The following KIFAP3 variants were observed in gnomAD, a reference collection of about 807,000 sequenced individuals.
KIFAP3 encodes the protein kinesin-associated protein 3.
KIFAP3 carries 68 observed loss-of-function variants against 106.5 expected under a neutral mutation model. That is an observed-to-expected ratio of 0.64 (90% CI 0.53 to 0.78). KIFAP3 has a LOEUF of 0.78. Among genes scored for constraint, KIFAP3 ranks in the 30% least tolerant of loss-of-function variants. The pLI, the probability that KIFAP3 is intolerant of heterozygous loss-of-function variation, is 0.00. For synonymous variants in KIFAP3, 320 were observed against 311.5 expected, an observed-to-expected ratio of 1.03 and a Z score of -0.29; for missense variants, 780 against 941.8, an observed-to-expected ratio of 0.83 and a Z score of 2.25.
intron 18 of KIFAP3, among the ~76,000 whole-genome samples, chr1:169,956,095 AC>A (rs1294664010): frequency 6.6e-6 from 1 of 152,180 alleles, no homozygotes; most frequent in African/African-American, 2.4e-5. Context: ...TTAAATTAAA[AC>A]CAAAGAATTG....
At chr1:170,048,147 T>C (rs951931494) in intron 2 of KIFAP3, among the ~76,000 whole-genome samples, 4 of 152,216 alleles carry the variant, frequency 2.6e-5, no homozygotes, top group Admixed American at 6.5e-5. Flanking sequence ...CCCAGCTATA[T>C]ATTCAACCCC....
intron 19 of KIFAP3, among the ~76,000 whole-genome samples, chr1:169,949,621 T>C (rs1664626998): frequency 6.6e-6 from 1 of 152,138 alleles, no homozygotes; most frequent in South Asian, 2.1e-4. Context: ...ATGGTGCAGA[T>C]ACATGGTATA....
chr1:169,934,287 C>T (rs1663664055), intron 19 of KIFAP3, among the ~76,000 whole-genome samples: 1 of 152,094 alleles, frequency 6.6e-6, no homozygotes, highest in Non-Finnish European at 1.5e-5. Context: ...ATCGTTCTTT[C>T]CTTTTACCGT....
chr1:169,933,046 T>C (rs1250703084), intron 19 of KIFAP3, among the ~76,000 whole-genome samples: 10 of 152,010 alleles, frequency 6.6e-5, no homozygotes, highest in African/African-American at 2.4e-4. Context: ...AGGGCAAACA[T>C]ATAGATAATA....
intron 19 of KIFAP3, among the ~76,000 whole-genome samples, chr1:169,952,088 T>C (rs1377426506): frequency 6.6e-6 from 1 of 152,020 alleles, no homozygotes; most frequent in Non-Finnish European, 1.5e-5. Context: ...TCAAAAGCCA[T>C]ATGCTTTCTA....
intron 10 of KIFAP3, among the ~76,000 whole-genome samples, chr1:170,003,739 C>T (rs1219152574): frequency 1.3e-5 from 2 of 152,190 alleles, no homozygotes; most frequent in Non-Finnish European, 2.9e-5. Context: ...TATGACAAAA[C>T]CACAGCCAAT....
At chr1:169,959,675 C>T (rs963685316) in intron 18 of KIFAP3, among the ~76,000 whole-genome samples, 3 of 151,980 alleles carry the variant, frequency 2.0e-5, no homozygotes, top group Admixed American at 2.0e-4. Flanking sequence ...TGGTTAATAG[C>T]TTTATCTGGT....
intron 19 of KIFAP3, among the ~76,000 whole-genome samples, chr1:169,938,001 G>A (rs1000005987): frequency 2.0e-5 from 3 of 151,826 alleles, no homozygotes; most frequent in Admixed American, 2.0e-4. Flanking sequence ...ATGAGATATT[G>A]AATACTAATC....
chr1:169,938,416 C>T lies in KIFAP3; in HGVS notation c.2273+15595G>A, dbSNP rs564972808. Among the ~76,000 whole-genome samples the T allele has an allele frequency of 2.6e-5, 4 of 151,980 alleles. No homozygotes were observed. In the East Asian group the frequency reaches 5.8e-4, roughly 22 times the overall value. On this transcript the variant is annotated intron_variant, in intron 19 of 19. Coordinates refer to ENST00000361580, the MANE Select transcript of KIFAP3 (RefSeq NM_014970.4). ...TATAAGCAGGATATATAATACACAT[C>T]TATTTGATTATATATTTAATAGATG...
intron 2 of KIFAP3, among the ~76,000 whole-genome samples, chr1:170,050,365 G>A (rs1439103249): frequency 6.6e-6 from 1 of 152,162 alleles, no homozygotes; most frequent in Non-Finnish European, 1.5e-5. Flanking sequence ...ACCTATGATT[G>A]ACTGGTGTAC....
chr1:170,069,310 A>T (rs933331631), intron 1 of KIFAP3, among the ~76,000 whole-genome samples: 23 of 152,052 alleles, frequency 1.5e-4, no homozygotes, highest in Non-Finnish European at 1.9e-4. Context: ...ATACCCCTCA[A>T]ACTCTTCCAA....
At chr1:170,024,626 G>C (rs757598111) in intron 8 of KIFAP3, 30 bp from the exon 9 acceptor site, 1 of 1,271,296 alleles carries the variant, frequency 7.9e-7, no homozygotes. Context: ...GAGAGATAAA[G>C]AATTAGTATA....
At chr1:170,069,985 G>C (rs1671627309) in intron 1 of KIFAP3, among the ~76,000 whole-genome samples, 1 of 151,954 alleles carries the variant, frequency 6.6e-6, no homozygotes, top group Non-Finnish European at 1.5e-5. Flanking sequence ...GAATAGATCA[G>C]AACACACCAA....
chr1:170,033,785 G>A (rs1205844463), intron 7 of KIFAP3, among the ~76,000 whole-genome samples: 1 of 151,682 alleles, frequency 6.6e-6, no homozygotes, highest in East Asian at 1.9e-4. Context: ...TGTTAAAGAG[G>A]AGCCTATGTA....
chr1:169,967,418 A>G (rs1665684546), intron 17 of KIFAP3, among the ~76,000 whole-genome samples: 1 of 151,726 alleles, frequency 6.6e-6, no homozygotes, highest in African/African-American at 2.4e-5. Context: ...GGAATCCTCA[A>G]TGAATATAGT....
At chr1:170,037,436 T>C (rs921422878) in intron 5 of KIFAP3, among the ~76,000 whole-genome samples, 6 of 152,052 alleles carry the variant, frequency 3.9e-5, no homozygotes, top group Non-Finnish European at 5.9e-5. Context: ...GCATTTAAAA[T>C]GATTCTATAG....
At chr1:170,016,254 A>G (rs956707702) in intron 10 of KIFAP3, among the ~76,000 whole-genome samples, 5 of 152,206 alleles carry the variant, frequency 3.3e-5, no homozygotes, top group African/African-American at 1.2e-4. Flanking sequence ...AAGGGTTAAA[A>G]GTTGCTATTT....
chr1:169,973,105 G>GTATATATATATATATATATA (rs1553278126), intron 16 of KIFAP3, among the ~76,000 whole-genome samples: 4 of 90,306 alleles, frequency 4.4e-5, no homozygotes, highest in East Asian at 4.2e-4. Flanking sequence ...AAAATAGTGT[G>GTATATATATATATATATATA]TATATATATA....
At chr1:169,929,005 C>T (rs1663310063) in intron 19 of KIFAP3, among the ~76,000 whole-genome samples, 1 of 151,966 alleles carries the variant, frequency 6.6e-6, no homozygotes, top group African/African-American at 2.4e-5. Flanking sequence ...GCAGGTTGAA[C>T]GAAATAACGA....
Sources: gnomAD v4.1 joint callset for allele counts (sites outside exome capture counted in the v4.1 genomes callset) on GRCh38, gnomAD v4.1.1 for gene constraint, MANE v1.5 for transcripts, NCBI Gene and HGNC (gene_info 2026-07-23, HGNC 2026-07-21) for gene names.